The following PTPRD variants were observed in gnomAD, a reference collection of about 807,000 sequenced individuals.
PTPRD encodes protein tyrosine phosphatase receptor type D, also known as receptor-type tyrosine-protein phosphatase delta.
In PTPRD, 34 loss-of-function variants were observed where a neutral mutation model predicts 214.5. The observed-to-expected ratio is 0.16, with a 90% confidence interval of 0.12 to 0.21. PTPRD has a LOEUF of 0.21. PTPRD is among the 10% of genes least tolerant of loss of function. The pLI, the probability that PTPRD is intolerant of heterozygous loss-of-function variation, is 1.00. For synonymous variants in PTPRD, 1,128 were observed against 845.7 expected (o/e 1.33, Z -5.79); for missense variants, 2,545 against 2,398.7 (o/e 1.06, Z -1.27).
intron 4 of PTPRD, among the ~76,000 whole-genome samples, chr9:10,028,251 T>C (rs768983503): frequency 1.3e-5 from 2 of 152,236 alleles, no homozygotes; most frequent in Non-Finnish European, 2.9e-5. Context: ...CCCAGCCATG[T>C]GGAACTGTAA....
At chr9:10,072,196 G>A (rs2098034766) in intron 3 of PTPRD, among the ~76,000 whole-genome samples, 1 of 151,902 alleles carries the variant, frequency 6.6e-6, no homozygotes. Flanking sequence ...AAAAGATATA[G>A]GTGGCAAGTT....
intron 4 of PTPRD, among the ~76,000 whole-genome samples, chr9:9,940,463 CTT>C (rs2091128076): frequency 6.6e-6 from 1 of 152,122 alleles, no homozygotes; most frequent in Non-Finnish European, 1.5e-5. Flanking sequence ...AGCTAACACT[CTT>C]ATGCATACTT....
intron 9 of PTPRD, among the ~76,000 whole-genome samples, chr9:9,222,435 T>A (rs2099956726): frequency 6.6e-6 from 1 of 152,036 alleles, no homozygotes; most frequent in African/African-American, 2.4e-5. Context: ...ATAATGGAAT[T>A]TTCAATTATG....
At chr9:9,222,172 T>C (rs1569564353) in intron 9 of PTPRD, among the ~76,000 whole-genome samples, 1 of 152,084 alleles carries the variant, frequency 6.6e-6, no homozygotes, top group Non-Finnish European at 1.5e-5. Context: ...AGTAATCTAT[T>C]AATTTAATTT....
At chr9:9,587,419 G>A (rs1325810073) in intron 7 of PTPRD, among the ~76,000 whole-genome samples, 1 of 151,976 alleles carries the variant, frequency 6.6e-6, no homozygotes, top group Non-Finnish European at 1.5e-5. Context: ...ACTTGCCCAT[G>A]GGCATAGATC....
In PTPRD at chr9:10,153,247, T is replaced by C. The variant is rs554382212; in HGVS notation, c.-544-119457A>G. ...AATTATACTGTAATGTGTACATACATCACAATATCACATTGTACCCCATAA... is the reference window on the plus strand; with the variant it reads ...AATTATACTGTAATGTGTACATACACCACAATATCACATTGTACCCCATAA... On this transcript the variant is annotated intron_variant, in intron 3 of 45. Coordinates refer to ENST00000381196, the MANE Select transcript of PTPRD (RefSeq NM_002839.4). 2.0e-5 allele frequency among the ~76,000 whole-genome samples: 3 copies of C among 152,158 alleles called. No individual in the cohort carries two copies. The South Asian group carries it at 6.2e-4, about 32-fold the overall frequency.
At chr9:9,724,495 T>C (rs2098038964) in intron 7 of PTPRD, among the ~76,000 whole-genome samples, 1 of 152,142 alleles carries the variant, frequency 6.6e-6, no homozygotes, top group Non-Finnish European at 1.5e-5. Flanking sequence ...TAGTAAGGCT[T>C]GGATAGCCTT....
chr9:9,880,400 T>C (rs992266033), intron 5 of PTPRD, among the ~76,000 whole-genome samples: 1 of 152,168 alleles, frequency 6.6e-6, no homozygotes, highest in Non-Finnish European at 1.5e-5. Flanking sequence ...TAAGTGAAAA[T>C]GTTAATGTAC....
rs1274190080 is a variant in PTPRD at position 9,763,721 on chromosome 9, G to C, written c.-326+3089C>G. Among the ~76,000 whole-genome samples, 3 of 152,030 alleles carry C rather than the reference G, an allele frequency of 2.0e-5. 1 individual carries two copies. Among genetic ancestry groups the C allele is most frequent in the Non-Finnish European group, 4.4e-5 (3 of 67,986 alleles). Reference sequence around the variant, plus strand: ...ACACTTACTGCTACTATCATTGTTTGACTTCAGACAACACATTCTTTATTT... The same window carrying C: ...ACACTTACTGCTACTATCATTGTTTCACTTCAGACAACACATTCTTTATTT... On this transcript the variant is annotated intron_variant, in intron 6 of 45. Coordinates refer to ENST00000381196, the MANE Select transcript of PTPRD (RefSeq NM_002839.4).
At chr9:9,215,523 TG>T (rs1319737310) in intron 9 of PTPRD, among the ~76,000 whole-genome samples, 2 of 151,944 alleles carry the variant, frequency 1.3e-5, no homozygotes, top group Admixed American at 1.3e-4. Flanking sequence ...CTAAGCAGAA[TG>T]GGGGGAGAAA....
intron 3 of PTPRD, among the ~76,000 whole-genome samples, chr9:10,168,612 A>C (rs2099175009): frequency 6.6e-6 from 1 of 152,240 alleles, no homozygotes; most frequent in African/African-American, 2.4e-5. Flanking sequence ...CCATATTTAA[A>C]AAAGAAAGAA....
chr9:9,263,303 T>C (rs569691996), intron 9 of PTPRD, among the ~76,000 whole-genome samples: 1 of 151,780 alleles, frequency 6.6e-6, no homozygotes, highest in South Asian at 2.1e-4. Context: ...ACATCTCCTA[T>C]AGGAGAATTG....
intron 9 of PTPRD, among the ~76,000 whole-genome samples, chr9:9,195,736 T>G (rs753736438): frequency 6.7e-6 from 1 of 149,006 alleles, no homozygotes; most frequent in Non-Finnish European, 1.5e-5. Flanking sequence ...AAAAAGTGTA[T>G]ACAAAGACAA....
At chr9:10,325,769 A>T (rs1272161193) in intron 3 of PTPRD, among the ~76,000 whole-genome samples, 4 of 151,994 alleles carry the variant, frequency 2.6e-5, no homozygotes, top group Middle Eastern at 3.4e-3. Flanking sequence ...TTGATGCCTG[A>T]TTTTTCAAAA....
chr9:9,616,533 T>C (rs530714333), intron 7 of PTPRD, among the ~76,000 whole-genome samples: 10 of 152,284 alleles, frequency 6.6e-5, no homozygotes, highest in Admixed American at 3.3e-4. Flanking sequence ...AATTTTAAGA[T>C]TGAAATAAAT....
chr9:9,328,663 A>G (rs2041104656), intron 9 of PTPRD, among the ~76,000 whole-genome samples: 4 of 69,008 alleles, frequency 5.8e-5, no homozygotes, highest in East Asian at 3.9e-4. Context: ...TTTGAGATAG[A>G]GTCTTGCTCT....
intron 7 of PTPRD, among the ~76,000 whole-genome samples, chr9:9,655,655 A>G (rs906151629): frequency 1.3e-5 from 2 of 151,992 alleles, no homozygotes; most frequent in Non-Finnish European, 2.9e-5. Context: ...AAACACCTTA[A>G]AAGATCTGAA....
Position 9,665,463 on chromosome 9 carries a change from T to C in PTPRD, c.-287+69070A>G, listed in dbSNP as rs529866748. 4.0e-5 allele frequency among the ~76,000 whole-genome samples: 6 copies of C among 151,844 alleles called. No individual in the cohort carries two copies. The South Asian group carries it at 1.0e-3, about 26-fold the overall frequency. ...GAATATAGAAGAAAGAAAACTAAAA[T>C]TTATTAGATACTTAACTATGTTCTG... is the stretch of plus-strand genomic sequence containing the variant. On this transcript the variant is annotated intron_variant, in intron 7 of 45. Transcript: ENST00000381196.
chr9:8,718,324 C>A (rs2098457795), intron 12 of PTPRD, among the ~76,000 whole-genome samples: 1 of 152,164 alleles, frequency 6.6e-6, no homozygotes, highest in Admixed American at 6.5e-5. Flanking sequence ...GAAACTAGAT[C>A]TCAGAACGCA....
Sources: allele counts gnomAD v4.1 joint callset (sites outside exome capture counted in the v4.1 genomes callset), GRCh38; gene constraint gnomAD v4.1.1; transcripts MANE v1.5; gene names NCBI Gene and HGNC (gene_info 2026-07-23, HGNC 2026-07-21).